PARD3B: variants seen among roughly 807,000 people sequenced by gnomAD.
PARD3B encodes partitioning defective 3 homolog B.
A neutral mutation model predicts 130.2 loss-of-function variants in PARD3B; 103 were observed. The ratio of observed to expected loss-of-function variants is 0.79; its 90% CI spans 0.67 to 0.93. The LOEUF is 0.93. Among genes scored for constraint, PARD3B ranks in the 40% least tolerant of loss-of-function variants. The probability of loss-of-function intolerance (pLI) is 0.00; values close to 1 mark genes in which losing one functional copy is unlikely to be tolerated. For missense variants in PARD3B, 1,609 were observed against 1,499.2 expected (o/e 1.07, Z -1.21); for synonymous variants, 583 against 553.2 (o/e 1.05, Z -0.76).
At chr2:205,134,735 T>G (rs1457612299) in intron 10 of PARD3B, among the ~76,000 whole-genome samples, 66 of 152,168 alleles carry the variant, frequency 4.3e-4, no homozygotes, top group Admixed American at 4.3e-3. Context: ...TCTACTGAAC[T>G]ATTGTCAGCA....
At chr2:205,149,745 T>C (rs2033616221) in intron 10 of PARD3B, among the ~76,000 whole-genome samples, 1 of 152,088 alleles carries the variant, frequency 6.6e-6, no homozygotes, top group Admixed American at 6.5e-5. Flanking sequence ...TTCTGGGCCC[T>C]GGTTGCTTTG....
chr2:205,254,048 TG>T (rs1305176172), intron 16 of PARD3B, among the ~76,000 whole-genome samples: 1 of 142,258 alleles, frequency 7.0e-6, no homozygotes, highest in East Asian at 2.0e-4. Flanking sequence ...CAAGTCACGT[TG>T]GAAGACACAC....
intron 1 of PARD3B, among the ~76,000 whole-genome samples, chr2:204,657,454 T>TATGATTGC (rs2035676255): frequency 6.6e-6 from 1 of 152,158 alleles, no homozygotes; most frequent in South Asian, 2.1e-4. Flanking sequence ...TGCAGTGAGC[T>TATGATTGC]ATGATTGCAT....
At chr2:204,719,455 TTAAAC>T (rs2038895394) in intron 2 of PARD3B, among the ~76,000 whole-genome samples, 1 of 152,210 alleles carries the variant, frequency 6.6e-6, no homozygotes, top group Non-Finnish European at 1.5e-5. Context: ...GCAGATATCT[TTAAAC>T]TATAAATTAA....
intron 21 of PARD3B, 85 bp from the exon 22 acceptor site, chr2:205,553,239 G>A (rs1486727958): frequency 2.3e-6 from 3 of 1,288,054 alleles, no homozygotes; most frequent in East Asian, 2.3e-5. Context: ...AACAGCATTT[G>A]TGCACTGATT....
intron 1 of PARD3B, among the ~76,000 whole-genome samples, chr2:204,621,260 T>G (rs771009052): frequency 1.3e-5 from 2 of 152,152 alleles, no homozygotes; most frequent in Non-Finnish European, 2.9e-5. Flanking sequence ...CGACAAAACT[T>G]CTAACGCAAT....
intron 1 of PARD3B, among the ~76,000 whole-genome samples, chr2:204,685,555 C>T (rs2037034519): frequency 6.6e-6 from 1 of 152,192 alleles, no homozygotes; most frequent in Middle Eastern, 3.2e-3. Context: ...ACTACCCCAA[C>T]TCAGTGAATT....
chr2:205,198,586 A>G (rs2125820092), intron 15 of PARD3B, among the ~76,000 whole-genome samples: 1 of 152,340 alleles, frequency 6.6e-6, no homozygotes, highest in South Asian at 2.1e-4. Flanking sequence ...TCTCACATCT[A>G]CAAAGGTAAA....
At chr2:205,559,892 C>T (rs2053066184) in intron 22 of PARD3B, among the ~76,000 whole-genome samples, 1 of 152,172 alleles carries the variant, frequency 6.6e-6, no homozygotes, top group South Asian at 2.1e-4. Flanking sequence ...AGCCACCGCA[C>T]CCAGCCCAGA....
At chr2:205,371,039 T>G (rs1262870006) in intron 18 of PARD3B, among the ~76,000 whole-genome samples, 1 of 152,188 alleles carries the variant, frequency 6.6e-6, no homozygotes, top group African/African-American at 2.4e-5. Flanking sequence ...TGGCTTCTGT[T>G]GGTACCATCT....
intron 1 of PARD3B, among the ~76,000 whole-genome samples, chr2:204,644,518 G>A (rs2035205129): frequency 6.6e-6 from 1 of 151,974 alleles, no homozygotes; most frequent in Admixed American, 6.6e-5. Flanking sequence ...TAATTCCACT[G>A]AATATTTTAA....
chr2:204,898,400 T>A (rs1315659317), intron 2 of PARD3B, among the ~76,000 whole-genome samples: 2 of 152,174 alleles, frequency 1.3e-5, no homozygotes, highest in Admixed American at 1.3e-4. Flanking sequence ...TCATTCATTC[T>A]ATGTACTTAT....
intron 2 of PARD3B, among the ~76,000 whole-genome samples, chr2:204,809,717 T>C (rs979047685): frequency 3.9e-5 from 6 of 152,194 alleles, no homozygotes; most frequent in Non-Finnish European, 1.5e-5. Flanking sequence ...TTGCCTTGGC[T>C]ATTTGGCCCC....
chr2:204,624,811 C>A (rs567115226), intron 1 of PARD3B, among the ~76,000 whole-genome samples: 1 of 152,064 alleles, frequency 6.6e-6, no homozygotes, highest in Admixed American at 6.6e-5. Flanking sequence ...AACTGTCAAA[C>A]GATTTTCCAG....
At chr2:204,756,425 AT>A (rs145874472) in intron 2 of PARD3B, among the ~76,000 whole-genome samples, 3,551 of 152,190 alleles carry the variant, frequency 0.023, 143 homozygotes, top group African/African-American at 0.081. Context: ...CAAGAGTTAT[AT>A]TTTTTCTCCA....
intron 1 of PARD3B, among the ~76,000 whole-genome samples, chr2:204,665,432 T>A (rs1484888538): frequency 6.6e-6 from 1 of 152,092 alleles, no homozygotes; most frequent in Non-Finnish European, 1.5e-5. Context: ...AATGGCAGAT[T>A]TTCTTATTTT....
intron 4 of PARD3B, among the ~76,000 whole-genome samples, chr2:205,101,952 G>A (rs1702814888): frequency 6.6e-6 from 1 of 152,064 alleles, no homozygotes; most frequent in East Asian, 1.9e-4. Context: ...GTTGATGATG[G>A]TTACAAAACT....
intron 21 of PARD3B, among the ~76,000 whole-genome samples, chr2:205,551,046 T>G (rs1405712130): frequency 6.7e-6 from 1 of 149,132 alleles, no homozygotes; most frequent in Non-Finnish European, 1.5e-5. Context: ...AGGCATGTGG[T>G]CTCCTCAAGG....
At chr2:205,544,158 G>A (rs537430926) in intron 21 of PARD3B, among the ~76,000 whole-genome samples, 2 of 152,168 alleles carry the variant, frequency 1.3e-5, no homozygotes, top group South Asian at 4.1e-4. Context: ...TCTAGTGATT[G>A]ATGTCACTAA....
Sources: gnomAD v4.1 joint callset for allele counts (sites outside exome capture counted in the v4.1 genomes callset) on GRCh38, gnomAD v4.1.1 for gene constraint, MANE v1.5 for transcripts, NCBI Gene and HGNC (gene_info 2026-07-23, HGNC 2026-07-21) for gene names.